The following PAX7 variants were observed in gnomAD, a reference collection of about 807,000 sequenced individuals.
PAX7 encodes the protein paired box protein Pax-7.
PAX7 carries 18 observed loss-of-function variants against 50.7 expected under a neutral mutation model. The observed-to-expected ratio is 0.36, with a 90% CI of 0.25 to 0.53. The LOEUF (loss-of-function observed/expected upper bound fraction) is 0.53, where lower values mean the gene tolerates loss of function less well. Ranked by LOEUF, PAX7 falls within the 20% of genes least tolerant of loss-of-function variation. The probability of loss-of-function intolerance (pLI) is 0.93; values close to 1 mark genes in which losing one functional copy is unlikely to be tolerated. For missense variants in PAX7, 644 were observed against 702.9 expected, an observed-to-expected ratio of 0.92 and a Z score of 0.95; for synonymous variants, 310 against 290.4, an observed-to-expected ratio of 1.07 and a Z score of -0.69.
Position 18,747,400 on chromosome 1 carries a change from C to G in PAX7, c.*2471C>G, listed in dbSNP as rs776112531. 1.7e-4 allele frequency: 39 copies of G among 227,310 alleles called. No homozygotes were observed. Among genetic ancestry groups the G allele is most frequent in the Non-Finnish European group, 3.1e-4 (36 of 114,356 alleles). The allele number at this position is 227,310 out of a possible 1,614,324, so 14.1% of individuals were successfully genotyped here. Reference sequence around the variant, plus strand: ...GTAGAAAATGGGACTTATTCCTTGACAGGCCCCACCCCCTTCAGAAAGAGG... The same window carrying G: ...GTAGAAAATGGGACTTATTCCTTGAGAGGCCCCACCCCCTTCAGAAAGAGG... On this transcript the variant is annotated 3_prime_UTR_variant, in exon 9 of 9. Coordinates refer to ENST00000420770, the MANE Select transcript of PAX7 (RefSeq NM_001135254.2).
At chr1:18,740,733 G>A (rs541828596) in intron 8 of PAX7, among the ~76,000 whole-genome samples, 10 of 152,322 alleles carry the variant, frequency 6.6e-5, no homozygotes, top group African/African-American at 2.4e-4. Context: ...TAGCCAAGAC[G>A]TAGAATCAAC....
intron 4 of PAX7, among the ~76,000 whole-genome samples, chr1:18,688,553 C>T (rs1461854179): frequency 6.6e-6 from 1 of 152,218 alleles, no homozygotes; most frequent in African/African-American, 2.4e-5. Context: ...TCCGTCATCG[C>T]AGAAACTTCT....
At chr1:18,684,661 G>A (rs928208804) in intron 4 of PAX7, among the ~76,000 whole-genome samples, 5 of 152,250 alleles carry the variant, frequency 3.3e-5, no homozygotes, top group African/African-American at 1.2e-4. Context: ...GGTATTCAGA[G>A]ACGCCTGGCC....
chr1:18,742,563 G>C (rs71512942), intron 8 of PAX7, among the ~76,000 whole-genome samples: 6,566 of 152,246 alleles, frequency 0.043, 223 homozygotes, highest in Non-Finnish European at 0.061. Flanking sequence ...GCCAGAGATG[G>C]GAATGGCCCT....
chr1:18,720,622 C>T (rs558327273), intron 7 of PAX7, among the ~76,000 whole-genome samples: 3 of 150,394 alleles, frequency 2.0e-5, no homozygotes, highest in Admixed American at 1.3e-4. Context: ...GGGAGGTGGG[C>T]GCAGACGGAC....
chr1:18,645,992 G>A (rs975560238), intron 4 of PAX7, among the ~76,000 whole-genome samples: 4 of 152,198 alleles, frequency 2.6e-5, no homozygotes, highest in African/African-American at 9.6e-5. Context: ...TCTTGAGTTC[G>A]AATTCACCCT....
chr1:18,644,807 T>C (rs934674019), intron 4 of PAX7, among the ~76,000 whole-genome samples: 1 of 152,178 alleles, frequency 6.6e-6, no homozygotes, highest in Admixed American at 6.5e-5. Context: ...TATGCTGATA[T>C]AAGCACGTGT....
chr1:18,679,077 A>G (rs895394337), intron 4 of PAX7, among the ~76,000 whole-genome samples: 6 of 152,198 alleles, frequency 3.9e-5, no homozygotes, highest in African/African-American at 1.4e-4. Flanking sequence ...GTAAGGTCAA[A>G]GCACACCAGC....
intron 4 of PAX7, among the ~76,000 whole-genome samples, chr1:18,660,396 G>A (rs890774574): frequency 2.6e-5 from 4 of 152,106 alleles, no homozygotes; most frequent in Non-Finnish European, 5.9e-5. Flanking sequence ...CTGGCTTAAG[G>A]ACAAAATTAG....
intron 7 of PAX7, among the ~76,000 whole-genome samples, chr1:18,732,625 G>C (rs2089660446): frequency 6.6e-6 from 1 of 152,250 alleles, no homozygotes; most frequent in Non-Finnish European, 1.5e-5. Flanking sequence ...GGTGAAAGGA[G>C]TTGGGACAGG....
Position 18,700,886 on chromosome 1 carries a change from C to G in PAX7, c.952+68C>G. 2 of 1,268,518 alleles carry G rather than the reference C, an allele frequency of 1.6e-6. No individual in the cohort carries two copies. The highest frequency in any genetic ancestry group is 3.1e-5 in the East Asian group (1 of 31,826). The allele number at this position is 1,268,518 out of a possible 1,614,324, so 78.6% of individuals were successfully genotyped here. ...TCCCTTCTTTCTTTACTTTCACTTA[C>G]AAAGGCTCTTCTTTTTTTTATGACC... On this transcript the variant is annotated intron_variant, in intron 6 of 8. Coordinates refer to ENST00000420770, the MANE Select transcript of PAX7 (RefSeq NM_001135254.2). This position sits in a 1 kb window ranked among gnomAD's most constrained non-coding sequence, Gnocchi z 4.8.
chr1:18,739,889 A>G (rs534147441), intron 8 of PAX7, among the ~76,000 whole-genome samples: 1 of 152,326 alleles, frequency 6.6e-6, no homozygotes, highest in South Asian at 2.1e-4. Context: ...CCAGGGCTGT[A>G]CTAATAATGG....
intron 4 of PAX7, among the ~76,000 whole-genome samples, chr1:18,665,330 A>C (rs1429029630): frequency 2.0e-5 from 3 of 151,944 alleles, no homozygotes; most frequent in Non-Finnish European, 4.4e-5. Context: ...GGAACTAGAG[A>C]GATATGGCAT....
intron 4 of PAX7, among the ~76,000 whole-genome samples, chr1:18,653,468 CGGTTGTTGGTGTGCTGGT>C (rs1379091169): frequency 6.6e-6 from 1 of 151,840 alleles, no homozygotes; most frequent in Non-Finnish European, 1.5e-5. Context: ...GTGTCGCTTT[CGGTTGTTGGTGTGCTGGT>C]GGCTGTGTTC....
intron 4 of PAX7, among the ~76,000 whole-genome samples, chr1:18,651,954 A>G (rs1456529436): frequency 6.6e-6 from 1 of 151,830 alleles, no homozygotes; most frequent in African/African-American, 2.4e-5. Context: ...GTGGCATTTC[A>G]GGCACTTAAT....
intron 4 of PAX7, among the ~76,000 whole-genome samples, chr1:18,642,046 A>G (rs2088264637): frequency 6.6e-6 from 1 of 150,402 alleles, no homozygotes; most frequent in South Asian, 2.1e-4. Context: ...CACATATAAC[A>G]GTAGCCTTAA....
At chr1:18,706,964 G>C (rs2089292133) in intron 7 of PAX7, among the ~76,000 whole-genome samples, 2 of 152,152 alleles carry the variant, frequency 1.3e-5, no homozygotes, top group Non-Finnish European at 2.9e-5. Flanking sequence ...CTCAAACCCA[G>C]CCTGGGAAGT....
At position 18,636,091 on chromosome 1, in the gene PAX7, G is replaced by A. The variant is rs1191373292; in HGVS notation, c.452-146G>A. ...TGCTGGTTATGGAGTACGTGTCAAT[G>A]CCTAAATGCCTGTGTGTGGAAGAGG... On this transcript the variant is annotated intron_variant, in intron 3 of 8. Coordinates refer to ENST00000420770, the MANE Select transcript of PAX7 (RefSeq NM_001135254.2). This position sits in a 1 kb window ranked among gnomAD's most constrained non-coding sequence, Gnocchi z 5.1. 1.6e-5 allele frequency: 13 copies of A among 824,958 alleles called. No homozygotes were observed. Among genetic ancestry groups the A allele is most frequent in the Non-Finnish European group, 2.1e-5 (11 of 512,712 alleles). 51.1% of individuals were successfully genotyped at this position (824,958 alleles called of 1,614,324 possible). A position where few individuals can be genotyped will look rare whatever the true frequency, so the allele number is the denominator to read the frequency against.
At chr1:18,736,634 G>A (rs1248523450) in intron 8 of PAX7, among the ~76,000 whole-genome samples, 2 of 152,212 alleles carry the variant, frequency 1.3e-5, no homozygotes, top group South Asian at 2.1e-4. Context: ...TCATGTGTGT[G>A]TTTTACACTT....
Sources: gnomAD v4.1 joint callset for allele counts (sites outside exome capture counted in the v4.1 genomes callset) on GRCh38, gnomAD v4.1.1 for gene constraint, Gnocchi (gnomAD v3.1) non-coding constraint, MANE v1.5 for transcripts, NCBI Gene and HGNC (gene_info 2026-07-23, HGNC 2026-07-21) for gene names.